KANK1: variants seen among roughly 807,000 people sequenced by gnomAD.
KANK1 encodes KN motif and ankyrin repeat domains 1.
A neutral mutation model predicts 106.2 loss-of-function variants in KANK1; 109 were observed. That is an observed-to-expected ratio of 1.03 (90% CI 0.88 to 1.20). KANK1 has a LOEUF of 1.20. Among genes scored for constraint, KANK1 ranks in the 50% most tolerant of loss-of-function variants. The pLI, the probability that KANK1 is intolerant of heterozygous loss-of-function variation, is 0.00. For synonymous variants in KANK1, 873 were observed against 652.2 expected (o/e 1.34, Z -5.16); for missense variants, 2,399 against 1,710.7 (o/e 1.40, Z -7.10).
At chr9:609,118 A>G (rs1285196427) in intron 1 of KANK1, among the ~76,000 whole-genome samples, 1 of 150,808 alleles carries the variant, frequency 6.6e-6, no homozygotes, top group African/African-American at 2.4e-5. Flanking sequence ...AGCTGGCTGA[A>G]AAAAAAAAAG....
At chr9:699,705 T>C (rs1822187622) in intron 2 of KANK1, among the ~76,000 whole-genome samples, 1 of 152,254 alleles carries the variant, frequency 6.6e-6, no homozygotes, top group African/African-American at 2.4e-5. Flanking sequence ...TAGGAACTTC[T>C]GGCATATACT....
chr9:621,014 G>C (rs1347765507), intron 1 of KANK1, among the ~76,000 whole-genome samples: 2 of 152,056 alleles, frequency 1.3e-5, no homozygotes, highest in Non-Finnish European at 2.9e-5. Flanking sequence ...TCTCCCATCT[G>C]ATCTAAATTC....
chr9:569,306 C>G (rs1367510698), intron 1 of KANK1, among the ~76,000 whole-genome samples: 1 of 152,112 alleles, frequency 6.6e-6, no homozygotes, highest in African/African-American at 2.4e-5. Flanking sequence ...CATGTTGAAA[C>G]TTAACCCCCA....
chr9:683,109 T>G (rs1310442845), intron 2 of KANK1, among the ~76,000 whole-genome samples: 3 of 152,154 alleles, frequency 2.0e-5, no homozygotes, highest in African/African-American at 7.2e-5. Flanking sequence ...AGAGGCAGTG[T>G]GCGCCCGTGG....
upstream of KANK1, among the ~76,000 whole-genome samples, chr9:503,086 G>C (rs1038149422): frequency 7.5e-6 from 1 of 132,812 alleles, no homozygotes; most frequent in Non-Finnish European, 1.5e-5. Flanking sequence ...TGATCTACCT[G>C]TCTCGGCCTC....
chr9:588,741 C>G (rs2135490676), intron 1 of KANK1, among the ~76,000 whole-genome samples: 1 of 152,194 alleles, frequency 6.6e-6, no homozygotes, highest in Middle Eastern at 3.4e-3. Context: ...AGGGCACGGA[C>G]TGTAGAGTTA....
At chr9:558,039 G>C (rs1228366425) in intron 1 of KANK1, among the ~76,000 whole-genome samples, 1 of 152,142 alleles carries the variant, frequency 6.6e-6, no homozygotes, top group Non-Finnish European at 1.5e-5. Context: ...AACAATGGTA[G>C]GAATGTCAAG....
chr9:567,352 A>G (rs914890760), intron 1 of KANK1, among the ~76,000 whole-genome samples: 1 of 152,212 alleles, frequency 6.6e-6, no homozygotes, highest in Admixed American at 6.5e-5. Flanking sequence ...GGCCCTTCTC[A>G]TAACCCTAAC....
chr9:692,718 A>G (rs1383927028), intron 2 of KANK1, among the ~76,000 whole-genome samples: 1 of 152,090 alleles, frequency 6.6e-6, no homozygotes, highest in Non-Finnish European at 1.5e-5. Flanking sequence ...GCTTTTGAAA[A>G]AAAAAAAAAT....
intron 1 of KANK1, among the ~76,000 whole-genome samples, chr9:566,003 T>A (rs1817710797): frequency 6.6e-6 from 1 of 152,214 alleles, no homozygotes; most frequent in African/African-American, 2.4e-5. Flanking sequence ...TTCTTCACCC[T>A]CTGCTTCCTC....
In KANK1 at chr9:693,517, G is replaced by A. The variant is rs901588750; in HGVS notation, c.37+16508G>A. The A allele has an allele frequency of 3.0e-6, 3 of 985,182 alleles. No homozygotes were observed. In the African/African-American group the frequency reaches 5.2e-5, roughly 17 times the overall value. The allele number at this position is 985,182 out of a possible 1,614,324, so 61.0% of individuals were successfully genotyped here. ...AAAAATCAGAAGGAAGATGAGAGAGGGCTTTGCCTCTTTTTTAAGATCTTG... is the reference window on the plus strand; with the variant it reads ...AAAAATCAGAAGGAAGATGAGAGAGAGCTTTGCCTCTTTTTTAAGATCTTG... On this transcript the variant is annotated intron_variant, in intron 2 of 11. Coordinates refer to ENST00000382297, the MANE Select transcript of KANK1 (RefSeq NM_015158.5).
chr9:523,219 TTTC>T (rs2059629260), intron 1 of KANK1, among the ~76,000 whole-genome samples: 1 of 151,758 alleles, frequency 6.6e-6, no homozygotes, highest in Admixed American at 6.5e-5. Flanking sequence ...CCAAACAGAA[TTTC>T]TTATTTCCCC....
intron 2 of KANK1, among the ~76,000 whole-genome samples, chr9:702,968 T>G (rs1169068637): frequency 6.6e-6 from 1 of 152,102 alleles, no homozygotes; most frequent in East Asian, 1.9e-4. Context: ...GTGTTTTGGT[T>G]TTTTGGAGTG....
chr9:675,891 A>G (rs1244798174), intron 1 of KANK1, among the ~76,000 whole-genome samples: 2 of 152,002 alleles, frequency 1.3e-5, no homozygotes, highest in South Asian at 4.1e-4. Flanking sequence ...TGTGTTTTGC[A>G]GGAAAGGGGT....
At chr9:679,090 G>A (rs1288038737) in intron 2 of KANK1, among the ~76,000 whole-genome samples, 1 of 152,084 alleles carries the variant, frequency 6.6e-6, no homozygotes, top group Non-Finnish European at 1.5e-5. Context: ...CTGGTATCCT[G>A]CCTAACAGGT....
chr9:531,079 G>GGTTT (rs2133521127), intron 1 of KANK1, among the ~76,000 whole-genome samples: 1 of 152,230 alleles, frequency 6.6e-6, no homozygotes, highest in South Asian at 2.1e-4. Flanking sequence ...TCTAACTCAA[G>GGTTT]GTTTGCTTCC....
rs140844089 is a variant in KANK1, at chr9:680,154, AGAGCAT to A, written c.37+3149_37+3154del. Among the ~76,000 whole-genome samples the A allele has an allele frequency of 3.9e-3, 587 of 152,282 alleles. 7 individuals carry two copies. Among genetic ancestry groups the A allele is most frequent in the African/African-American group, 0.013 (535 of 41,548 alleles). ...CCAAAAATTGCTGCTTGGGCTTCAT[AGAGCAT>A]GAGGGGAAATTTCATGTGACGATGG... On this transcript the variant is annotated intron_variant, in intron 2 of 11. Coordinates refer to ENST00000382297, the MANE Select transcript of KANK1 (RefSeq NM_015158.5).
intron 1 of KANK1, among the ~76,000 whole-genome samples, chr9:574,197 GC>G (rs1049760761): frequency 2.9e-4 from 44 of 152,376 alleles, no homozygotes; most frequent in African/African-American, 9.9e-4. Context: ...GGGGGCCGAA[GC>G]TCTGTACCTG....
chr9:688,258 G>A (rs967036672), intron 2 of KANK1, among the ~76,000 whole-genome samples: 5 of 152,266 alleles, frequency 3.3e-5, no homozygotes, highest in South Asian at 2.1e-4. Context: ...GCCTCCTCTC[G>A]TGAAAGTTGT....
Sources: allele counts gnomAD v4.1 joint callset (sites outside exome capture counted in the v4.1 genomes callset), GRCh38; gene constraint gnomAD v4.1.1; transcripts MANE v1.5; gene names NCBI Gene and HGNC (gene_info 2026-07-23, HGNC 2026-07-21).